The following HYDIN variants were observed in gnomAD, a reference collection of about 807,000 sequenced individuals.
HYDIN encodes the protein axonemal central pair apparatus protein HYDIN.
HYDIN carries 132 observed loss-of-function variants against 403.9 expected under a neutral mutation model. The observed-to-expected ratio is 0.33, with a 90% CI of 0.28 to 0.38. The LOEUF (loss-of-function observed/expected upper bound fraction) is 0.38, where lower values mean the gene tolerates loss of function less well. HYDIN is among the 10% of genes least tolerant of loss of function. The pLI, the probability that HYDIN is intolerant of heterozygous loss-of-function variation, is 1.00. For missense variants in HYDIN, 2,827 were observed against 5,009.5 expected, an observed-to-expected ratio of 0.56 and a Z score of 13.15; for synonymous variants, 1,202 against 1,891.7, an observed-to-expected ratio of 0.64 and a Z score of 9.46.
chr16:70,994,190 T>C lies in HYDIN; in HGVS notation c.3645-1980A>G, dbSNP rs1357125298. On this transcript the variant is annotated intron_variant, in intron 23 of 85. Transcript: ENST00000393567. ...GGATCCACGGTGTCCCCTCTTTACA[T>C]ACCCTATTGCACAGGGTCTTATACA... Among the ~76,000 whole-genome samples, 6 of 152,138 alleles carry C rather than the reference T, an allele frequency of 3.9e-5. No homozygotes were observed. The East Asian group carries it at 7.8e-4, about 20-fold the overall frequency.
intron 5 of HYDIN, among the ~76,000 whole-genome samples, chr16:71,173,365 A>G (rs893240039): frequency 2.0e-5 from 3 of 152,254 alleles, no homozygotes; most frequent in Admixed American, 6.5e-5. Flanking sequence ...AGAAGGAATA[A>G]AAGAGCTGAG....
chr16:70,982,295 G>C (rs1262765078), intron 28 of HYDIN, among the ~76,000 whole-genome samples: 3 of 151,096 alleles, frequency 2.0e-5, no homozygotes, highest in Admixed American at 2.0e-4. Flanking sequence ...AAAAACCTTA[G>C]AGTGATCTGT....
chr16:70,989,754 G>A (rs1438062959), intron 25 of HYDIN, among the ~76,000 whole-genome samples: 5 of 152,164 alleles, frequency 3.3e-5, no homozygotes, highest in Non-Finnish European at 7.3e-5. Context: ...CCCCTCCTGA[G>A]GTACCCACTG....
At chr16:70,922,947 T>C (rs1428667910) in intron 45 of HYDIN, among the ~76,000 whole-genome samples, 3 of 151,842 alleles carry the variant, frequency 2.0e-5, no homozygotes, top group Admixed American at 1.3e-4. Flanking sequence ...TTTAATTTTT[T>C]TGTAGAGACA....
Position 71,103,187 on chromosome 16 carries a change from G to A in HYDIN, c.1328-9252C>T, listed in dbSNP as rs986907213. ...TTATGGGGTAGTGTGGTACAGGACA[G>A]GGACCAGGACTGTCACAACCTAGAA... is the stretch of plus-strand genomic sequence containing the variant. On this transcript the variant is annotated intron_variant, in intron 10 of 85. Coordinates refer to ENST00000393567, the MANE Select transcript of HYDIN (RefSeq NM_001270974.2). 7.2e-5 allele frequency among the ~76,000 whole-genome samples: 3 copies of A among 41,942 alleles called. 1 individual carries two copies. The highest frequency in any genetic ancestry group is 1.1e-4 in the Non-Finnish European group (3 of 26,938). 27.5% of individuals were successfully genotyped at this position (41,942 alleles called of 152,430 possible).
chr16:71,068,839 C>T (rs1395190282), intron 14 of HYDIN, among the ~76,000 whole-genome samples: 3 of 152,142 alleles, frequency 2.0e-5, no homozygotes, highest in Non-Finnish European at 2.9e-5. Context: ...AGCCTGGATT[C>T]GGATTACAAA....
intron 39 of HYDIN, chr16:70,959,328 G>A (rs1217386456): frequency 1.1e-5 from 2 of 187,734 alleles, no homozygotes; most frequent in South Asian, 1.6e-4. Flanking sequence ...ACAGCTTTTC[G>A]TTTGAGTATT....
intron 8 of HYDIN, 28 bp downstream of exon 8, chr16:71,137,123 C>G (rs920435665): frequency 7.7e-5 from 52 of 673,572 alleles, no homozygotes; most frequent in Non-Finnish European, 1.3e-4. Context: ...CTCCAAATTA[C>G]TGCATATAGG....
At chr16:71,016,133 C>T (rs906647336) in intron 23 of HYDIN, among the ~76,000 whole-genome samples, 4 of 152,094 alleles carry the variant, frequency 2.6e-5, no homozygotes, top group Admixed American at 2.0e-4. Context: ...AGTATGACCA[C>T]ACCAAACTAA....
intron 84 of HYDIN, among the ~76,000 whole-genome samples, chr16:70,813,872 T>C (rs2035664171): frequency 6.6e-6 from 1 of 151,942 alleles, no homozygotes; most frequent in African/African-American, 2.4e-5. Context: ...CATCAAACCT[T>C]ACTCTAAGTA....
chr16:71,043,186 A>T (rs2081340531), intron 18 of HYDIN, among the ~76,000 whole-genome samples: 2 of 148,674 alleles, frequency 1.3e-5, no homozygotes, highest in South Asian at 2.1e-4. Flanking sequence ...TTTGGTTTTG[A>T]CCATGATTTT....
Position 70,807,901 on chromosome 16 carries a change from G to A in HYDIN, c.15045C>T (p.Ile5015=), listed in dbSNP as rs765526653. ...GAGGCAGAGCCATTCCAAAGAGGGG[G>A]ATGATATACTCTCCACCTGCGAGCG... is the stretch of plus-strand genomic sequence containing the variant. The part of the protein sequence containing the change: ...LSSLAGGEYI[I]PLFGMALPPK... The change falls in exon 86 of 86, where the codon ATC becomes ATT. Residue 5015 remains isoleucine, a synonymous_variant. Transcript: ENST00000393567. 3 of 1,614,040 alleles carry A rather than the reference G, an allele frequency of 1.9e-6. No individual in the cohort carries two copies. The highest frequency in any genetic ancestry group is 2.5e-6 in the Non-Finnish European group (3 of 1,180,008).
chr16:70,941,202 AGATTCACAG>A (rs1395434428), intron 43 of HYDIN, among the ~76,000 whole-genome samples: 9 of 149,210 alleles, frequency 6.0e-5, no homozygotes, highest in Non-Finnish European at 1.0e-4. Flanking sequence ...AATGGGGACA[AGATTCACAG>A]GGTAATTGTG....
intron 18 of HYDIN, among the ~76,000 whole-genome samples, chr16:71,044,948 T>C (rs566639713): frequency 1.3e-5 from 2 of 150,696 alleles, no homozygotes; most frequent in African/African-American, 2.4e-5. Context: ...AACTAGAATT[T>C]CCATCTTTCA....
intron 1 of HYDIN, among the ~76,000 whole-genome samples, chr16:71,210,713 G>C (rs1015252287): frequency 6.6e-6 from 1 of 152,076 alleles, no homozygotes; most frequent in African/African-American, 2.4e-5. Flanking sequence ...ATGTCAGCAT[G>C]TCATTAATTT....
intron 18 of HYDIN, among the ~76,000 whole-genome samples, chr16:71,039,359 C>T (rs2144188861): frequency 6.6e-6 from 1 of 152,268 alleles, no homozygotes; most frequent in Middle Eastern, 3.4e-3. Flanking sequence ...GTACCCTCCC[C>T]AGTCTACACT....
intron 10 of HYDIN, among the ~76,000 whole-genome samples, chr16:71,094,769 C>A (rs1404052700): frequency 6.6e-6 from 1 of 152,248 alleles, no homozygotes; most frequent in Admixed American, 6.5e-5. Context: ...CTCTCAGAGA[C>A]AAACCAATGT....
chr16:71,044,040 C>T (rs534075421), intron 18 of HYDIN, among the ~76,000 whole-genome samples: 1 of 151,952 alleles, frequency 6.6e-6, no homozygotes, highest in South Asian at 2.1e-4. Flanking sequence ...CTGCCTGCCT[C>T]TGTGTGCTTG....
Position 70,807,464 on chromosome 16 carries a change from A to G in HYDIN, c.*116T>C, listed in dbSNP as rs1162204612. 1.4e-5 allele frequency: 17 copies of G among 1,181,974 alleles called. 1 individual carries two copies. The African/African-American group carries it at 2.5e-4, about 17-fold the overall frequency. 73.2% of individuals were successfully genotyped at this position (1,181,974 alleles called of 1,614,324 possible). On this transcript the variant is annotated 3_prime_UTR_variant, in exon 86 of 86. Transcript: ENST00000393567. ...CACATAATAGGGAAATAACTGCCCT[A>G]TAATTGTATGAGAAGAATAAAAACA...
Sources: allele counts gnomAD v4.1 joint callset (sites outside exome capture counted in the v4.1 genomes callset), GRCh38; gene constraint gnomAD v4.1.1; transcripts MANE v1.5; gene names NCBI Gene and HGNC (gene_info 2026-07-23, HGNC 2026-07-21).